Variants in TENM1 observed in about 807,000 individuals in gnomAD.
TENM1 encodes teneurin transmembrane protein 1.
A neutral mutation model predicts 174.8 loss-of-function variants in TENM1; 35 were observed. The ratio of observed to expected loss-of-function variants is 0.20; its 90% CI spans 0.15 to 0.27. TENM1 has a LOEUF of 0.27. TENM1 is among the 10% of genes least tolerant of loss of function. TENM1 has a pLI of 1.00. For synonymous variants in TENM1, 781 were observed against 798.7 expected (o/e 0.98, Z 0.37); for missense variants, 1,633 against 2,130.1 (o/e 0.77, Z 4.59).
At chrX:125,050,436 T>C in the TENM1 span, among the ~76,000 whole-genome samples, 1 of 110,302 alleles carries the variant, frequency 9.1e-6, no homozygotes, top group African/African-American at 3.3e-5. Context: ...CTTGCAATAG[T>C]TTGCTGAGAA....
intron 3 of TENM1, among the ~76,000 whole-genome samples, chrX:124,842,366 G>A (rs143964913): frequency 0.01 from 1,141 of 111,500 alleles, 11 homozygotes; most frequent in African/African-American, 0.035. Flanking sequence ...GTCAATATGC[G>A]CATGTCACCC....
intron 22 of TENM1, among the ~76,000 whole-genome samples, chrX:124,475,376 T>C (rs1357380630): frequency 1.8e-5 from 2 of 111,642 alleles, no homozygotes; most frequent in Non-Finnish European, 3.8e-5. Context: ...TCTCCCCTTA[T>C]AGAAAAAGGC....
intron 5 of TENM1, among the ~76,000 whole-genome samples, chrX:124,704,387 A>G (rs995098398): frequency 3.6e-5 from 4 of 112,145 alleles, no homozygotes; most frequent in African/African-American, 6.5e-5. Flanking sequence ...ACAATTTGCT[A>G]CCAAATGAGG....
chrX:124,495,374 T>C (rs2047174623), intron 20 of TENM1, among the ~76,000 whole-genome samples: 1 of 109,018 alleles, frequency 9.2e-6, no homozygotes, highest in Non-Finnish European at 1.9e-5. Context: ...GTTTTTTTCT[T>C]GTAAATTTGT....
At chrX:125,171,397 T>C in the TENM1 span, among the ~76,000 whole-genome samples, 1 of 110,849 alleles carries the variant, frequency 9.0e-6, no homozygotes, top group African/African-American at 3.3e-5. Flanking sequence ...TTAAGGGATC[T>C]AGAGGAAATT....
chrX:124,577,994 T>C (rs1284354217), intron 11 of TENM1, among the ~76,000 whole-genome samples: 1 of 108,460 alleles, frequency 9.2e-6, no homozygotes, highest in Admixed American at 9.9e-5. Flanking sequence ...GGCTAGATCA[T>C]GGCTCACGGT....
the TENM1 span, among the ~76,000 whole-genome samples, chrX:124,976,677 G>T: frequency 9.0e-6 from 1 of 111,694 alleles, no homozygotes; most frequent in Admixed American, 9.5e-5. Context: ...AACCAGAAAA[G>T]CTATGAAGAC....
At chrX:125,157,386 C>G in the TENM1 span, among the ~76,000 whole-genome samples, 2 of 112,128 alleles carry the variant, frequency 1.8e-5, no homozygotes, top group African/African-American at 6.5e-5. Context: ...CTTGAAAATA[C>G]AAGTGTCAGC....
rs2060175058 is a variant in TENM1 at position 124,382,898 on chromosome X, C to T, written c.7298-86G>A. On this transcript the variant is annotated intron_variant, in intron 30 of 31. Coordinates refer to ENST00000422452, the Ensembl canonical transcript of TENM1. ...AAAACTTGAAAGATACCTCTCCTGC[C>T]TTCAAACTGTTTAGGCAATAGAAGT... 9.2e-6 allele frequency: 7 copies of T among 763,164 alleles called. No individual in the cohort carries two copies. The East Asian group carries it at 2.7e-4, about 29-fold the overall frequency. The allele number at this position is 763,164 out of a possible 1,213,427, so 62.9% of individuals were successfully genotyped here.
intron 15 of TENM1, among the ~76,000 whole-genome samples, chrX:124,533,673 T>A (rs903830105): frequency 8.9e-6 from 1 of 112,117 alleles, no homozygotes; most frequent in African/African-American, 3.2e-5. Flanking sequence ...TGAAACATTT[T>A]CAATTCAATA....
intron 3 of TENM1, among the ~76,000 whole-genome samples, chrX:124,747,390 AGC>A (rs1358231755): frequency 1.0e-5 from 1 of 97,490 alleles, no homozygotes; most frequent in African/African-American, 4.7e-5. Flanking sequence ...ATGTTAATGA[AGC>A]TGTGAATATG....
At chrX:125,020,476 A>C in the TENM1 span, among the ~76,000 whole-genome samples, 1 of 109,582 alleles carries the variant, frequency 9.1e-6, no homozygotes, top group Non-Finnish European at 1.9e-5. Context: ...ACTTTCCCAA[A>C]GTTTTTTTCC....
At chrX:125,108,594 G>A in the TENM1 span, among the ~76,000 whole-genome samples, 2 of 109,253 alleles carry the variant, frequency 1.8e-5, no homozygotes, top group African/African-American at 3.3e-5. Flanking sequence ...GGTCGTACCT[G>A]GCTGAGGCAC....
intron 11 of TENM1, among the ~76,000 whole-genome samples, chrX:124,580,712 T>G (rs915990085): frequency 1.8e-5 from 2 of 111,280 alleles, no homozygotes; most frequent in Non-Finnish European, 3.8e-5. Context: ...TATTTTTTAT[T>G]TCATTAAAAA....
At chrX:124,953,955 T>C (rs2058531583) in intron 1 of TENM1, among the ~76,000 whole-genome samples, 1 of 111,623 alleles carries the variant, frequency 9.0e-6, no homozygotes, top group Non-Finnish European at 1.9e-5. Context: ...CAAGAGCTAT[T>C]TTCAGACTGA....
chrX:124,409,816 C>T (rs868228089), intron 25 of TENM1, among the ~76,000 whole-genome samples: 15,246 of 105,707 alleles, frequency 0.14, 1,121 homozygotes, highest in African/African-American at 0.22. Flanking sequence ...TTACAAGGGA[C>T]GTGAAGGAAC....
At chrX:125,012,326 A>G in the TENM1 span, among the ~76,000 whole-genome samples, 1 of 111,987 alleles carries the variant, frequency 8.9e-6, no homozygotes, top group Non-Finnish European at 1.9e-5. Context: ...CATTCTGCAC[A>G]TGTATCCTGG....
chrX:124,390,344 CTTTTT>C (rs772265699), intron 28 of TENM1, among the ~76,000 whole-genome samples: 1 of 111,799 alleles, frequency 8.9e-6, no homozygotes, highest in Non-Finnish European at 1.9e-5. Context: ...AAGGGAAAGT[CTTTTT>C]TTTATTATTA....
chrX:124,783,076 T>C (rs1373288421), intron 3 of TENM1, among the ~76,000 whole-genome samples: 1 of 111,641 alleles, frequency 9.0e-6, no homozygotes, highest in Non-Finnish European at 1.9e-5. Context: ...GAAAAGTTCG[T>C]TCATAAAAAT....
Sources: allele counts gnomAD v4.1 joint callset (sites outside exome capture counted in the v4.1 genomes callset), GRCh38; gene constraint gnomAD v4.1.1; transcripts MANE v1.5; gene names NCBI Gene and HGNC (gene_info 2026-07-23, HGNC 2026-07-21).